The following ADD3 variants were observed in gnomAD, a reference collection of about 807,000 sequenced individuals.
ADD3 encodes the protein adducin 3.
In ADD3, 25 loss-of-function variants were observed where a neutral mutation model predicts 80.2. That is an observed-to-expected ratio of 0.31 (90% CI 0.23 to 0.44). ADD3 has a LOEUF of 0.44. Ranked by LOEUF, ADD3 falls within the 20% of genes least tolerant of loss-of-function variation. The probability of loss-of-function intolerance (pLI) is 1.00; values close to 1 mark genes in which losing one functional copy is unlikely to be tolerated. For synonymous variants in ADD3, 284 were observed against 289.6 expected (o/e 0.98, Z 0.20); for missense variants, 829 against 847.5 (o/e 0.98, Z 0.27).
chr10:110,003,302 GGTGT>G (rs1554893815), upstream of ADD3, among the ~76,000 whole-genome samples: 10 of 147,004 alleles, frequency 6.8e-5, no homozygotes, highest in Admixed American at 1.3e-4. Flanking sequence ...GAACAGTAAG[GGTGT>G]GTGTGTGTGT....
At chr10:110,031,910 T>C (rs1455257721) in intron 1 of ADD3, among the ~76,000 whole-genome samples, 1 of 152,072 alleles carries the variant, frequency 6.6e-6, no homozygotes, top group Non-Finnish European at 1.5e-5. Context: ...TCAATACTTT[T>C]TTTTTTTTGT....
intron 1 of ADD3, among the ~76,000 whole-genome samples, chr10:109,998,983 T>A (rs554186960): frequency 6.6e-6 from 1 of 152,306 alleles, no homozygotes; most frequent in East Asian, 1.9e-4. Context: ...GTACAGGGAT[T>A]TTTGTTCATT....
chr10:110,129,915 A>G (rs989527844), intron 12 of ADD3, among the ~76,000 whole-genome samples: 1 of 152,154 alleles, frequency 6.6e-6, no homozygotes, highest in Non-Finnish European at 1.5e-5. Flanking sequence ...TGCAACTGAA[A>G]TTCTCATTAT....
chr10:110,059,122 T>A (rs1382171744), intron 1 of ADD3, among the ~76,000 whole-genome samples: 4 of 152,182 alleles, frequency 2.6e-5, no homozygotes, highest in Admixed American at 2.6e-4. Flanking sequence ...GAAATTCTAT[T>A]TTTTTAAATT....
At chr10:110,122,002 C>G in intron 8 of ADD3, 108 bp from the exon 9 acceptor site, 1 of 892,392 alleles carries the variant, frequency 1.1e-6, no homozygotes, top group Non-Finnish European at 1.7e-6. Flanking sequence ...GTAGCCTGAG[C>G]AAGTATTATA....
rs1454119866 is a variant in ADD3 at position 110,073,490 on chromosome 10, G to A, written c.-29-27135G>A. Among the ~76,000 whole-genome samples the A allele has an allele frequency of 3.9e-5, 6 of 152,274 alleles. No homozygotes were observed. The East Asian group carries it at 1.2e-3, about 29-fold the overall frequency. On this transcript the variant is annotated intron_variant, in intron 1 of 14. Coordinates refer to ENST00000356080, the MANE Select transcript of ADD3 (RefSeq NM_016824.5). ...GGCATCATGACAGTACTACCGATAGGGTTGCTGTGGAAGTACATGGAATAA... is the reference window on the plus strand; with the variant it reads ...GGCATCATGACAGTACTACCGATAGAGTTGCTGTGGAAGTACATGGAATAA...
intron 1 of ADD3, among the ~76,000 whole-genome samples, chr10:110,008,775 T>G (rs34326903): frequency 2.0e-5 from 3 of 151,632 alleles, no homozygotes; most frequent in South Asian, 2.1e-4. Flanking sequence ...TCTCCTCATT[T>G]AAAAAAAATT....
At chr10:110,052,338 C>T (rs1036091437) in intron 1 of ADD3, among the ~76,000 whole-genome samples, 3 of 152,140 alleles carry the variant, frequency 2.0e-5, no homozygotes, top group Non-Finnish European at 2.9e-5. Flanking sequence ...CCCTGGGCCC[C>T]GGACCAGTAC....
chr10:110,100,888 G>A, intron 2 of ADD3, 40 bp downstream of exon 2: 2 of 1,520,454 alleles, frequency 1.3e-6, no homozygotes, highest in Non-Finnish European at 8.8e-7. Context: ...CTCCCTCTTT[G>A]GAAATGTTAG....
Position 110,133,675 on chromosome 10 carries a change from A to C in ADD3, c.*57A>C. On this transcript the variant is annotated 3_prime_UTR_variant, in exon 15 of 15. Transcript: ENST00000356080. The stretch of plus-strand genomic sequence containing the variant: ...ATGTGACATTGCACATCTAAATACC[A>C]CATTTAAGTTGATCATTAATATGCA... 6.1e-5 allele frequency: 82 copies of C among 1,354,706 alleles called. No individual in the cohort carries two copies. The highest frequency in any genetic ancestry group is 2.0e-4 in the Middle Eastern group (1 of 4,934). 83.9% of individuals were successfully genotyped at this position (1,354,706 alleles called of 1,614,324 possible). A position where few individuals can be genotyped will look rare whatever the true frequency, so the allele number is the denominator to read the frequency against.
rs1853335431 is a variant in ADD3 at position 110,133,550 on chromosome 10, A to G, written c.2053A>G (p.Lys685Glu). Reference sequence around the variant, plus strand: ...CTCCCCTTCAAAATCGCCATCCAAGAAAAAGAAGAAATTCCGCACTCCTTC... The same window carrying G: ...CTCCCCTTCAAAATCGCCATCCAAGGAAAAGAAGAAATTCCGCACTCCTTC... Reference protein sequence around the residue: ...EGSPSKSPSKKKKKFRTPSFL... With the variant: ...EGSPSKSPSKEKKKFRTPSFL... Residue 685 changes from lysine (K) to glutamate (E), a missense_variant, in exon 15 of 15, where the codon AAA becomes GAA. Coordinates refer to ENST00000356080, the MANE Select transcript of ADD3 (RefSeq NM_016824.5). 6.2e-7 allele frequency: 1 copy of G among 1,611,758 alleles called. No homozygotes were observed. Among genetic ancestry groups the G allele is most frequent in the Non-Finnish European group, 8.5e-7 (1 of 1,179,228 alleles).
At chr10:109,999,175 C>G (rs566380842) in intron 1 of ADD3, among the ~76,000 whole-genome samples, 1 of 152,118 alleles carries the variant, frequency 6.6e-6, no homozygotes, top group Non-Finnish European at 1.5e-5. Flanking sequence ...TTGGGGACTA[C>G]GTACATTCTA....
At chr10:110,079,983 A>G (rs1845885096) in intron 1 of ADD3, among the ~76,000 whole-genome samples, 1 of 152,150 alleles carries the variant, frequency 6.6e-6, no homozygotes, top group African/African-American at 2.4e-5. Context: ...TTATGCTATC[A>G]GTCTTCTCCT....
At chr10:110,101,789 T>C (rs183916207) in intron 2 of ADD3, among the ~76,000 whole-genome samples, 1 of 152,300 alleles carries the variant, frequency 6.6e-6, no homozygotes, top group African/African-American at 2.4e-5. Context: ...AACAGCTTGA[T>C]TTAAAATGCA....
chr10:110,107,549 G>C (rs75230367), intron 2 of ADD3, among the ~76,000 whole-genome samples: 36 of 152,208 alleles, frequency 2.4e-4, no homozygotes, highest in African/African-American at 8.4e-4. Context: ...ACCTAAGTTA[G>C]GAGTCAGTAC....
At chr10:110,044,837 A>G (rs1010692120) in intron 1 of ADD3, among the ~76,000 whole-genome samples, 39 of 152,358 alleles carry the variant, frequency 2.6e-4, no homozygotes, top group African/African-American at 8.7e-4. Flanking sequence ...TAAAAGTGCT[A>G]TACTCATAGT....
At chr10:110,012,776 GTATTTT>G (rs1852478442) in intron 1 of ADD3, among the ~76,000 whole-genome samples, 1 of 146,880 alleles carries the variant, frequency 6.8e-6, no homozygotes, top group African/African-American at 2.5e-5. Flanking sequence ...TTCTTCTTTT[GTATTTT>G]TGAGACAGCT....
intron 1 of ADD3, among the ~76,000 whole-genome samples, chr10:110,008,944 G>A (rs1022767079): frequency 2.6e-5 from 4 of 152,160 alleles, no homozygotes; most frequent in African/African-American, 9.7e-5. Context: ...CAGCAGGTCT[G>A]GTGTGCTGGT....
chr10:110,133,295 A>G (rs1216567113), intron 14 of ADD3, 31 bp from the exon 15 acceptor site: 13 of 1,547,916 alleles, frequency 8.4e-6, no homozygotes, highest in Non-Finnish European at 1.1e-5. Flanking sequence ...AGTATGTAAA[A>G]TAACCCCCAA....
Sources: gnomAD v4.1 joint callset for allele counts (sites outside exome capture counted in the v4.1 genomes callset) on GRCh38, gnomAD v4.1.1 for gene constraint, MANE v1.5 for transcripts, NCBI Gene and HGNC (gene_info 2026-07-23, HGNC 2026-07-21) for gene names.